Variants in STARD13 observed in about 807,000 individuals in gnomAD.
STARD13 encodes the protein stAR-related lipid transfer protein 13.
A neutral mutation model predicts 106.4 loss-of-function variants in STARD13; 62 were observed. The ratio of observed to expected loss-of-function variants is 0.58; its 90% confidence interval spans 0.48 to 0.72. STARD13 has a LOEUF of 0.72. STARD13 is among the 30% of genes least tolerant of loss of function. The pLI is 0.00. For missense variants in STARD13, 1,387 were observed against 1,424.0 expected (o/e 0.97, Z 0.42); for synonymous variants, 565 against 553.0 (o/e 1.02, Z -0.31).
rs570661429 is a variant in STARD13 at position 33,176,482 on chromosome 13, G to A, written c.170-8860C>T. ...AATTGTTACTAGGTTTACAGCTATC[G>A]ATAGATTCATTTTTCCCTATGCTCT... On this transcript the variant is annotated intron_variant, in intron 1 of 13. Transcript: ENST00000336934. Among the ~76,000 whole-genome samples the A allele has an allele frequency of 2.6e-5, 4 of 152,204 alleles. No individual in the cohort carries two copies. In the South Asian group the frequency reaches 6.2e-4, roughly 24 times the overall value.
At chr13:33,485,362 CAA>C in the STARD13 span, among the ~76,000 whole-genome samples, 1 of 151,838 alleles carries the variant, frequency 6.6e-6, no homozygotes, top group African/African-American at 2.4e-5. Flanking sequence ...TTCTGACTTT[CAA>C]AAAACTCTCC....
chr13:33,140,138 C>A, intron 4 of STARD13, among the ~76,000 whole-genome samples: 1 of 152,222 alleles, frequency 6.6e-6, no homozygotes, highest in East Asian at 1.9e-4. Context: ...AAGAGCCAAA[C>A]AAATGTTATT....
the STARD13 span, among the ~76,000 whole-genome samples, chr13:33,527,885 T>A: frequency 6.6e-6 from 1 of 151,594 alleles, no homozygotes; most frequent in African/African-American, 2.4e-5. Context: ...TAAAGAAATA[T>A]CCATATTTTA....
At chr13:33,628,035 A>T in the STARD13 span, among the ~76,000 whole-genome samples, 1 of 146,312 alleles carries the variant, frequency 6.8e-6, no homozygotes, top group Non-Finnish European at 1.5e-5. Flanking sequence ...CACGATCTCG[A>T]CTCACTGCAA....
At chr13:33,662,840 G>A in the STARD13 span, among the ~76,000 whole-genome samples, 1 of 152,166 alleles carries the variant, frequency 6.6e-6, no homozygotes, top group Non-Finnish European at 1.5e-5. Context: ...TTTTCCCAAG[G>A]AGGAAATATA....
chr13:33,341,251 G>A (rs2077955798), intron 1 of STARD13, among the ~76,000 whole-genome samples: 1 of 152,162 alleles, frequency 6.6e-6, no homozygotes. Flanking sequence ...AAGCACAAAA[G>A]AGAAGTAGAT....
At position 33,127,325 on chromosome 13, in the gene STARD13, C is replaced by A. The variant is rs889376354; in HGVS notation, c.1922+48G>T. The stretch of plus-strand genomic sequence containing the variant: ...ACATGGAAGCTTCTGCAATCACACA[C>A]TTAGCTCTAGAGCCAAGGATCCCCT... On this transcript the variant is annotated intron_variant, in intron 6 of 13. Coordinates refer to ENST00000336934, the MANE Select transcript of STARD13 (RefSeq NM_178006.4). The A allele has an allele frequency of 1.5e-5, 22 of 1,502,388 alleles. No homozygotes were observed. The Middle Eastern group carries it at 3.6e-3, about 244-fold the overall frequency. 93.1% of individuals were successfully genotyped at this position (1,502,388 alleles called of 1,614,324 possible).
intron 1 of STARD13, among the ~76,000 whole-genome samples, chr13:33,203,635 A>G (rs1317768812): frequency 1.3e-5 from 2 of 152,216 alleles, no homozygotes; most frequent in African/African-American, 4.8e-5. Flanking sequence ...GGAAATGACT[A>G]GTCTTACACA....
the STARD13 span, among the ~76,000 whole-genome samples, chr13:33,632,631 C>A: frequency 1.8e-4 from 28 of 152,262 alleles, no homozygotes; most frequent in African/African-American, 6.5e-4. Flanking sequence ...AAATTATCAC[C>A]AAACTTGACC....
chr13:33,133,102 T>C (rs1342579582), intron 4 of STARD13, among the ~76,000 whole-genome samples: 1 of 152,198 alleles, frequency 6.6e-6, no homozygotes, highest in Non-Finnish European at 1.5e-5. Context: ...AATATAGATA[T>C]TTTAAAACAG....
chr13:33,572,007 G>A, the STARD13 span, among the ~76,000 whole-genome samples: 1 of 152,180 alleles, frequency 6.6e-6, no homozygotes, highest in South Asian at 2.1e-4. Context: ...ACAAAGCCTG[G>A]TAAATATTAA....
the STARD13 span, among the ~76,000 whole-genome samples, chr13:33,503,192 A>G: frequency 6.6e-6 from 1 of 152,078 alleles, no homozygotes; most frequent in Non-Finnish European, 1.5e-5. Flanking sequence ...GTATTCTCTG[A>G]TGGTAGTTTG....
chr13:33,306,373 C>T (rs9569307), intron 1 of STARD13, among the ~76,000 whole-genome samples: 37,721 of 151,892 alleles, frequency 0.25, 5,232 homozygotes, highest in East Asian at 0.69. Context: ...CTATAAAAAC[C>T]CTAGAAGAAA....
At chr13:33,340,201 A>G (rs1252530805) in intron 1 of STARD13, among the ~76,000 whole-genome samples, 4 of 152,200 alleles carry the variant, frequency 2.6e-5, no homozygotes, top group South Asian at 2.1e-4. Context: ...TTTATTTCCA[A>G]TGGAAAAACA....
chr13:33,376,077 A>G, the STARD13 span, among the ~76,000 whole-genome samples: 2 of 152,258 alleles, frequency 1.3e-5, no homozygotes, highest in East Asian at 3.9e-4. Context: ...TGGTTTGACC[A>G]TATTACTTAA....
intron 7 of STARD13, among the ~76,000 whole-genome samples, chr13:33,120,671 T>C (rs1230392154): frequency 6.6e-6 from 1 of 152,284 alleles, no homozygotes; most frequent in Non-Finnish European, 1.5e-5. Flanking sequence ...CAGATTCCAG[T>C]TATAGTAGCT....
the STARD13 span, among the ~76,000 whole-genome samples, chr13:33,370,175 C>T: frequency 4.6e-5 from 7 of 152,162 alleles, no homozygotes; most frequent in Admixed American, 2.0e-4. Flanking sequence ...GTACTTAGAA[C>T]AGGGCCTGGC....
At chr13:33,410,577 C>T in the STARD13 span, among the ~76,000 whole-genome samples, 1 of 152,194 alleles carries the variant, frequency 6.6e-6, no homozygotes, top group Non-Finnish European at 1.5e-5. Context: ...TGACCTCTTG[C>T]CCCTTCCCTG....
At chr13:33,579,927 T>G in the STARD13 span, among the ~76,000 whole-genome samples, 2 of 152,074 alleles carry the variant, frequency 1.3e-5, no homozygotes, top group Non-Finnish European at 2.9e-5. Flanking sequence ...AATGTGACGA[T>G]GTAGAGTAAC....
Sources: gnomAD v4.1 joint callset for allele counts (sites outside exome capture counted in the v4.1 genomes callset) on GRCh38, gnomAD v4.1.1 for gene constraint, MANE v1.5 for transcripts, NCBI Gene and HGNC (gene_info 2026-07-23, HGNC 2026-07-21) for gene names.